SYNE1: variants seen among roughly 807,000 people sequenced by gnomAD.
The protein encoded by SYNE1 is spectrin repeat containing nuclear envelope protein 1.
In SYNE1, 616 loss-of-function variants were observed where a neutral mutation model predicts 1,111.0. The observed-to-expected ratio is 0.55, with a 90% confidence interval of 0.52 to 0.59. The LOEUF is 0.59. Ranked by LOEUF, SYNE1 falls within the 20% of genes least tolerant of loss-of-function variation. The pLI is 0.00. For missense variants in SYNE1, 10,006 were observed against 10,417.0 expected (o/e 0.96, Z 1.72); for synonymous variants, 3,855 against 3,825.8 (o/e 1.01, Z -0.28).
At position 152,479,821 on chromosome 6, in the gene SYNE1, T is replaced by G. The variant is rs139285720; in HGVS notation, c.1350+3264A>C. On this transcript the variant is annotated intron_variant, in intron 14 of 145. Transcript: ENST00000367255. The stretch of plus-strand genomic sequence containing the variant: ...ATATATACATATATACGTTAATTTT[T>G]CAGAAATAGTAAAACAAAACCACTG... 6.4e-3 allele frequency among the ~76,000 whole-genome samples: 974 copies of G among 152,328 alleles called. 6 individuals carry two copies. Among genetic ancestry groups the G allele is most frequent in the Non-Finnish European group, 0.011 (744 of 68,032 alleles).
rs964300326 is a variant in SYNE1, at chr6:152,376,204, T to C, written c.9324+177A>G. ...ATGCTACCGCTGATCTGACAGGAGG[T>C]GGAGCTCAGGCAGTAACGCTCATTG... is the stretch of plus-strand genomic sequence containing the variant. On this transcript the variant is annotated intron_variant, in intron 58 of 145. Coordinates refer to ENST00000367255, the MANE Select transcript of SYNE1 (RefSeq NM_182961.4). 3.9e-5 allele frequency: 24 copies of C among 623,214 alleles called. No individual in the cohort carries two copies. In the African/African-American group the frequency reaches 3.9e-4, roughly 10 times the overall value. The allele number at this position is 623,214 out of a possible 1,614,324, so 38.6% of individuals were successfully genotyped here.
Position 152,376,807 on chromosome 6 carries a change from T to C in SYNE1, c.9115A>G (p.Lys3039Glu), listed in dbSNP as rs2097289752. 6.2e-7 allele frequency: 1 copy of C among 1,613,964 alleles called. No individual in the cohort carries two copies. Among genetic ancestry groups the C allele is most frequent in the Non-Finnish European group, 8.5e-7 (1 of 1,180,012 alleles). Residue 3039 changes from lysine (K) to glutamate (E), a missense_variant, in exon 57 of 146, where the codon AAA becomes GAA. Coordinates refer to ENST00000367255, the MANE Select transcript of SYNE1 (RefSeq NM_182961.4). ...TACTCTTTAATCAAGCCAGAAACTT[T>C]TCCACTGTAGGTACTCAGGTCTCTG... ...FSRDLSTYSG[K>E]VSGLIKEYNC...
At chr6:152,241,692 T>C (rs2085754713) in intron 107 of SYNE1, among the ~76,000 whole-genome samples, 1 of 152,112 alleles carries the variant, frequency 6.6e-6, no homozygotes, top group African/African-American at 2.4e-5. Flanking sequence ...GGAGCATATG[T>C]GTAAGGGTCA....
intron 45 of SYNE1, 69 bp downstream of exon 45, chr6:152,406,945 T>G (rs931085829): frequency 7.1e-5 from 22 of 311,878 alleles, no homozygotes; most frequent in African/African-American, 6.9e-4. Flanking sequence ...TAAGAAAGAC[T>G]TTTTTTTTTT....
rs76622672 is a variant in SYNE1 at position 152,546,964 on chromosome 6, A to G, written c.68-6943T>C. 2.6e-3 allele frequency: 389 copies of G among 152,052 alleles called. 3 individuals are homozygous for G. Among genetic ancestry groups the G allele is most frequent in the African/African-American group, 9.1e-3 (374 of 41,316 alleles). The allele number at this position is 152,052 out of a possible 1,614,324, so 9.4% of individuals were successfully genotyped here. ...ATGAGTAAAAATACAGCTAAAAGAA[A>G]AGAAAAGAAAAGAAAAAAAGTCACT... On this transcript the variant is annotated intron_variant, in intron 3 of 145. Coordinates refer to ENST00000367255, the MANE Select transcript of SYNE1 (RefSeq NM_182961.4).
intron 127 of SYNE1, among the ~76,000 whole-genome samples, chr6:152,189,642 A>G (rs988863018): frequency 6.6e-6 from 1 of 152,234 alleles, no homozygotes; most frequent in Non-Finnish European, 1.5e-5. Context: ...GTGCATATAA[A>G]AGTTATGTTT....
chr6:152,601,487 G>C (rs1001421482), intron 3 of SYNE1, among the ~76,000 whole-genome samples: 3 of 152,174 alleles, frequency 2.0e-5, no homozygotes, highest in African/African-American at 4.8e-5. Context: ...AGACAGCCCA[G>C]TGTCGCCTAC....
At chr6:152,481,788 C>T (rs2098902672) in intron 14 of SYNE1, among the ~76,000 whole-genome samples, 1 of 150,546 alleles carries the variant, frequency 6.6e-6, no homozygotes, top group African/African-American at 2.5e-5. Flanking sequence ...GTGACTTGAT[C>T]TCGTATGAGG....
rs147655147 is a variant in SYNE1 at position 152,274,242 on chromosome 6, T to A, written c.18573+3847A>T. Among the ~76,000 whole-genome samples the A allele has an allele frequency of 2.6e-3, 400 of 152,334 alleles. 1 individual carries two copies. Among genetic ancestry groups the A allele is most frequent in the African/African-American group, 9.2e-3 (383 of 41,588 alleles). On this transcript the variant is annotated intron_variant, in intron 98 of 145. Coordinates refer to ENST00000367255, the MANE Select transcript of SYNE1 (RefSeq NM_182961.4). ...GTCACATTGCATGTGCATTTTCAAG[T>A]GTGTAAATCCAAGTGAAAAGTTATA... is the stretch of plus-strand genomic sequence containing the variant.
At chr6:152,563,918 C>T (rs1342138205) in intron 3 of SYNE1, among the ~76,000 whole-genome samples, 1 of 152,064 alleles carries the variant, frequency 6.6e-6, no homozygotes, top group Non-Finnish European at 1.5e-5. Context: ...ATACACATAG[C>T]AAGTTGCCAA....
intron 3 of SYNE1, among the ~76,000 whole-genome samples, chr6:152,617,315 T>C (rs962176395): frequency 1.3e-5 from 2 of 152,222 alleles, no homozygotes; most frequent in African/African-American, 4.8e-5. Context: ...TTAATTTCCT[T>C]AATTATATGT....
intron 91 of SYNE1, 173 bp from the exon 92 acceptor site, chr6:152,302,236 AGGC>A: frequency 1.2e-6 from 1 of 863,924 alleles, no homozygotes; most frequent in South Asian, 1.5e-5. Context: ...GCCAGACCGC[AGGC>A]TGCGCGGCGC....
intron 3 of SYNE1, among the ~76,000 whole-genome samples, chr6:152,545,223 A>G (rs990483709): frequency 3.3e-5 from 5 of 152,228 alleles, no homozygotes; most frequent in Non-Finnish European, 7.3e-5. Context: ...AATATCATAA[A>G]GAGCAAAATA....
At chr6:152,542,234 C>T (rs1427513016) in intron 3 of SYNE1, among the ~76,000 whole-genome samples, 3 of 152,140 alleles carry the variant, frequency 2.0e-5, no homozygotes, top group Non-Finnish European at 2.9e-5. Context: ...AACTTGGTTC[C>T]CAATGCCTGC....
At chr6:152,169,625 C>T (rs1293584467) in intron 130 of SYNE1, among the ~76,000 whole-genome samples, 3 of 78,780 alleles carry the variant, frequency 3.8e-5, no homozygotes, top group Non-Finnish European at 7.3e-5. Context: ...GACACCTCAT[C>T]TCAAAAAAAA....
chr6:152,404,284 C>T lies in SYNE1; in HGVS notation c.6754G>A (p.Glu2252Lys). Residue 2252 changes from glutamate (E) to lysine (K), a missense_variant, in exon 46 of 146, where the codon GAA (glutamate) becomes AAA (lysine). Around this residue, in one of 7 missense-constraint regions of SYNE1, gnomAD observed 4,955 missense variants for 5,017.2 expected, o/e 0.99. Coordinates refer to ENST00000367255, the MANE Select transcript of SYNE1 (RefSeq NM_182961.4). ...TCATTAACTTTGGAATGCAGTTCTTCCAATCTCAATGCTTTGTTTTTAACT... is the reference window on the plus strand; with the variant it reads ...TCATTAACTTTGGAATGCAGTTCTTTCAATCTCAATGCTTTGTTTTTAACT... ...SEVKNKALRL[E>K]ELHSKVNDLK... The T allele has an allele frequency of 1.2e-6, 2 of 1,612,618 alleles. 1 individual carries two copies. Among genetic ancestry groups the T allele is most frequent in the Non-Finnish European group, 1.7e-6 (2 of 1,179,654 alleles).
intron 127 of SYNE1, among the ~76,000 whole-genome samples, chr6:152,196,168 C>T (rs1355300787): frequency 1.3e-5 from 2 of 152,160 alleles, no homozygotes; most frequent in Non-Finnish European, 2.9e-5. Flanking sequence ...ACTTACCCTT[C>T]AGGGGAGTGG....
intron 42 of SYNE1, among the ~76,000 whole-genome samples, chr6:152,411,479 A>G (rs571492630): frequency 6.6e-6 from 1 of 152,262 alleles, no homozygotes; most frequent in African/African-American, 2.4e-5. Context: ...AATTTCTACA[A>G]AAAGTCTGTG....
At chr6:152,352,412 T>C (rs1432358857) in intron 69 of SYNE1, 59 bp from the exon 70 acceptor site, 4 of 1,557,380 alleles carry the variant, frequency 2.6e-6, no homozygotes, top group African/African-American at 2.8e-5. Context: ...TTCTTTCTTT[T>C]TTTTTTTTGA....
Sources: allele counts gnomAD v4.1 joint callset (sites outside exome capture counted in the v4.1 genomes callset), GRCh38; gene constraint gnomAD v4.1.1; regional missense constraint gnomAD v4.1.1; transcripts MANE v1.5; gene names NCBI Gene and HGNC (gene_info 2026-07-23, HGNC 2026-07-21).